The following ANXA4 variants were observed in gnomAD, a reference collection of about 807,000 sequenced individuals.
ANXA4 encodes the protein 35-beta calcimedin.
A neutral mutation model predicts 49.8 loss-of-function variants in ANXA4; 39 were observed. That is an observed-to-expected ratio of 0.78 (90% CI 0.61 to 1.02). The LOEUF (loss-of-function observed/expected upper bound fraction) is 1.02, where lower values mean the gene tolerates loss of function less well. ANXA4 is among the 50% of genes least tolerant of loss of function. The pLI is 0.00. For synonymous variants in ANXA4, 134 were observed against 152.5 expected (o/e 0.88, Z 0.89); for missense variants, 360 against 410.1 (o/e 0.88, Z 1.05).
At chr2:69,808,508 A>C (rs2103830712) in intron 6 of ANXA4, 1 of 156,442 alleles carries the variant, frequency 6.4e-6, no homozygotes, top group Middle Eastern at 3.3e-3. Context: ...CTAAAAATGC[A>C]CAGAGGTTCA....
At chr2:69,824,249 T>A (rs1326869149) in intron 12 of ANXA4, among the ~76,000 whole-genome samples, 1 of 152,156 alleles carries the variant, frequency 6.6e-6, no homozygotes, top group Non-Finnish European at 1.5e-5. Context: ...ACACCTGTAA[T>A]CCTAGTACTT....
At chr2:69,681,630 C>T (rs1270275300) in intron 2 of ANXA4, among the ~76,000 whole-genome samples, 5 of 152,092 alleles carry the variant, frequency 3.3e-5, no homozygotes, top group African/African-American at 1.2e-4. Context: ...CTGTGCCCGG[C>T]CCATTTCTGA....
chr2:69,785,472 T>C (rs993057542), intron 2 of ANXA4, among the ~76,000 whole-genome samples: 2 of 152,176 alleles, frequency 1.3e-5, no homozygotes, highest in African/African-American at 4.8e-5. Context: ...CCCATAGGCT[T>C]GTGTGGAGGT....
At chr2:69,707,117 G>C (rs1375838416) in intron 2 of ANXA4, among the ~76,000 whole-genome samples, 4 of 151,964 alleles carry the variant, frequency 2.6e-5, no homozygotes, top group African/African-American at 9.7e-5. Context: ...TATTTCTTTT[G>C]CTCTCCTCAT....
Position 69,730,170 on chromosome 2 carries a change from C to T in ANXA4, n.864+9299C>T, listed in dbSNP as rs182032527. On this transcript the variant is annotated intron_variant and non_coding_transcript_variant, in intron 3 of 3. Transcript: ENST00000418066. ...CCCTGGGCAACATAGTGAGACCGCA[C>T]CTCTACTTTTATTTAAAAAAAAAAA... 3.1e-3 allele frequency among the ~76,000 whole-genome samples: 466 copies of T among 151,828 alleles called. 5 individuals are homozygous for T. The highest frequency in any genetic ancestry group is 8.9e-3 in the Admixed American group (135 of 15,242).
intron 2 of ANXA4, among the ~76,000 whole-genome samples, chr2:69,669,067 G>T (rs1677054541): frequency 6.6e-6 from 1 of 151,582 alleles, no homozygotes; most frequent in South Asian, 2.1e-4. Flanking sequence ...CTCCCGAGTA[G>T]CTGGGATTAC....
At chr2:69,822,029 A>T (rs755361101) in intron 12 of ANXA4, among the ~76,000 whole-genome samples, 1 of 152,222 alleles carries the variant, frequency 6.6e-6, no homozygotes, top group Non-Finnish European at 1.5e-5. Context: ...TGTGAAAAAC[A>T]GTCTGTTACG....
rs61587115 is a variant in ANXA4, at chr2:69,691,971, C to T, written n.767-28803C>T. Among the ~76,000 whole-genome samples, 1,179 of 152,196 alleles carry T rather than the reference C, an allele frequency of 7.7e-3. 21 individuals carry two copies. The highest frequency in any genetic ancestry group is 9.8e-3 in the Admixed American group (150 of 15,292). Reference sequence around the variant, plus strand: ...CGTGATCTTGGCTCACTACAACCTCCGCCTCCCGGGTTCAAACGATTCTCC... The same window carrying T: ...CGTGATCTTGGCTCACTACAACCTCTGCCTCCCGGGTTCAAACGATTCTCC... On this transcript the variant is annotated intron_variant and non_coding_transcript_variant, in intron 2 of 3. Coordinates refer to the ANXA4 transcript ENST00000418066.
intron 3 of ANXA4, among the ~76,000 whole-genome samples, chr2:69,731,494 G>T (rs942650734): frequency 6.6e-6 from 1 of 152,120 alleles, no homozygotes; most frequent in South Asian, 2.1e-4. Context: ...TCACTTCAGC[G>T]CAATCCACAT....
intron 12 of ANXA4, 139 bp downstream of exon 12, chr2:69,820,960 C>G (rs895716098): frequency 1.0e-6 from 1 of 982,896 alleles, no homozygotes; most frequent in African/African-American, 1.7e-5. Flanking sequence ...TTTCCAGTCT[C>G]TCCTCTTTCA....
intron 12 of ANXA4, among the ~76,000 whole-genome samples, chr2:69,821,542 T>A (rs1296091033): frequency 6.6e-6 from 1 of 152,090 alleles, no homozygotes; most frequent in Non-Finnish European, 1.5e-5. Context: ...CAATCTCCAC[T>A]CACTGCAACC....
intron 1 of ANXA4, among the ~76,000 whole-genome samples, chr2:69,780,215 G>T (rs1672138556): frequency 6.6e-6 from 1 of 152,088 alleles, no homozygotes; most frequent in African/African-American, 2.4e-5. Context: ...TCTCTTTTGA[G>T]ACAGTGTCTC....
intron 8 of ANXA4, chr2:69,815,862 G>T (rs1673965816): frequency 2.0e-6 from 1 of 496,584 alleles, no homozygotes; most frequent in Non-Finnish European, 3.6e-6. Flanking sequence ...GAACCATGTA[G>T]TCTCCAGCTA....
intron 2 of ANXA4, among the ~76,000 whole-genome samples, chr2:69,705,405 G>A (rs562819566): frequency 6.6e-6 from 1 of 152,280 alleles, no homozygotes; most frequent in South Asian, 2.1e-4. Flanking sequence ...TTTCTACAAT[G>A]AATATGTGCT....
rs368207232 is a variant in ANXA4 at position 69,810,373 on chromosome 2, A to G, written c.398-221A>G. ...CAACAGAATGAGACTCCATCTCAAA[A>G]GAAACAAAACAAAAACAGGAATATC... On this transcript the variant is annotated intron_variant, in intron 6 of 12. Transcript: ENST00000394295. The G allele has an allele frequency of 3.3e-4, 167 of 513,330 alleles. 1 individual carries two copies. The highest frequency in any genetic ancestry group is 2.9e-3 in the African/African-American group (153 of 52,024). 31.8% of individuals were successfully genotyped at this position (513,330 alleles called of 1,614,324 possible).
chr2:69,713,370 A>G (rs780192872), intron 2 of ANXA4, among the ~76,000 whole-genome samples: 10 of 152,076 alleles, frequency 6.6e-5, no homozygotes, highest in African/African-American at 9.7e-5. Flanking sequence ...TGTGGATGAT[A>G]AGATTGGAAG....
At chr2:69,810,990 A>G (rs1673683883) in intron 7 of ANXA4, 1 of 261,512 alleles carries the variant, frequency 3.8e-6, no homozygotes, top group Non-Finnish European at 7.4e-6. Context: ...ATAAGGGAAT[A>G]CATCAGGTAC....
chr2:69,762,338 A>G (rs1236452373), intron 1 of ANXA4, among the ~76,000 whole-genome samples: 3 of 151,836 alleles, frequency 2.0e-5, no homozygotes, highest in Non-Finnish European at 4.4e-5. Flanking sequence ...CTGAGCTATG[A>G]TAGTGCCACT....
rs190107861 is a variant in ANXA4 at position 69,673,620 on chromosome 2, C to T, written n.766+20338C>T. Among the ~76,000 whole-genome samples the T allele has an allele frequency of 7.9e-5, 12 of 151,548 alleles. No homozygotes were observed. The East Asian group carries it at 2.3e-3, about 29-fold the overall frequency. ...TGTATACCTATCTAACAAACCTGCACGTTCTGCACATGTACCCCAGAACTT... is the reference window on the plus strand; with the variant it reads ...TGTATACCTATCTAACAAACCTGCATGTTCTGCACATGTACCCCAGAACTT... On this transcript the variant is annotated intron_variant and non_coding_transcript_variant, in intron 2 of 3. Transcript: ENST00000418066.
Sources: gnomAD v4.1 joint callset for allele counts (sites outside exome capture counted in the v4.1 genomes callset) on GRCh38, gnomAD v4.1.1 for gene constraint, MANE v1.5 for transcripts, NCBI Gene and HGNC (gene_info 2026-07-23, HGNC 2026-07-21) for gene names.